C12orf50: variants seen among roughly 807,000 people sequenced by gnomAD.
The protein encoded by C12orf50 is uncharacterized protein C12orf50.
Under a neutral mutation model 61.6 loss-of-function variants are expected in C12orf50, and 35 were observed. That is an observed-to-expected ratio of 0.57 (90% CI 0.43 to 0.75). The LOEUF (loss-of-function observed/expected upper bound fraction) is 0.75, where lower values mean the gene tolerates loss of function less well. C12orf50 is among the 30% of genes least tolerant of loss of function. C12orf50 has a pLI of 0.00. For synonymous variants in C12orf50, 178 were observed against 161.5 expected (o/e 1.10, Z -0.77); for missense variants, 475 against 488.5 (o/e 0.97, Z 0.26).
chr12:88,023,660 C>G (rs975398096), intron 3 of C12orf50, among the ~76,000 whole-genome samples: 1 of 142,906 alleles, frequency 7.0e-6, no homozygotes, highest in African/African-American at 2.8e-5. Flanking sequence ...GAGTGAGACT[C>G]CATCTCAAAA....
intron 3 of C12orf50, 84 bp from the exon 4 acceptor site, chr12:87,998,274 TTAAC>T: frequency 9.8e-7 from 1 of 1,018,376 alleles, no homozygotes; most frequent in Non-Finnish European, 1.4e-6. Flanking sequence ...GCCCTCCTAA[TTAAC>T]TATATATTAT....
intron 3 of C12orf50, among the ~76,000 whole-genome samples, chr12:88,009,565 G>A (rs1306022688): frequency 6.6e-6 from 1 of 152,028 alleles, no homozygotes; most frequent in East Asian, 1.9e-4. Flanking sequence ...TTGTTACAAC[G>A]AGGAGATTTC....
intron 3 of C12orf50, among the ~76,000 whole-genome samples, chr12:88,012,468 G>A (rs957317655): frequency 6.6e-6 from 1 of 152,072 alleles, no homozygotes; most frequent in Admixed American, 6.6e-5. Flanking sequence ...TTCTTCTCTT[G>A]TCCTTCAAAG....
At chr12:88,023,600 G>A (rs908944859) in intron 3 of C12orf50, among the ~76,000 whole-genome samples, 13 of 151,260 alleles carry the variant, frequency 8.6e-5, no homozygotes, top group Non-Finnish European at 1.6e-4. Context: ...CCCAGGAGGC[G>A]GAGGTTGTAG....
chr12:88,021,863 C>T (rs527727996), intron 3 of C12orf50, among the ~76,000 whole-genome samples: 3 of 151,042 alleles, frequency 2.0e-5, no homozygotes, highest in Non-Finnish European at 4.4e-5. Flanking sequence ...GCCTACCAAC[C>T]AAAAAAAACC....
At chr12:88,002,427 T>C (rs766030100) in intron 3 of C12orf50, among the ~76,000 whole-genome samples, 3 of 151,832 alleles carry the variant, frequency 2.0e-5, no homozygotes, top group Non-Finnish European at 4.4e-5. Flanking sequence ...AAATGTTTCT[T>C]GTGCACTAGA....
intron 3 of C12orf50, among the ~76,000 whole-genome samples, chr12:88,020,269 A>G (rs2032466261): frequency 6.6e-6 from 1 of 152,188 alleles, no homozygotes; most frequent in Admixed American, 6.5e-5. Context: ...AGCAAGACCC[A>G]CTAACATGCT....
intron 3 of C12orf50, among the ~76,000 whole-genome samples, chr12:88,004,883 G>A (rs940117127): frequency 6.6e-6 from 1 of 152,152 alleles, no homozygotes; most frequent in Non-Finnish European, 1.5e-5. Flanking sequence ...TCCAACTTGA[G>A]GGTGGAGGGT....
intron 11 of C12orf50, chr12:87,985,386 C>T (rs2030754453): frequency 6.1e-6 from 1 of 165,194 alleles, no homozygotes; most frequent in South Asian, 1.7e-4. Context: ...AGCAATCTAT[C>T]CATGGTGAGA....
chr12:88,020,752 G>A (rs1398836182), intron 3 of C12orf50, among the ~76,000 whole-genome samples: 1 of 151,444 alleles, frequency 6.6e-6, no homozygotes. Flanking sequence ...ATCATCACAT[G>A]ACACATCCTC....
intron 3 of C12orf50, among the ~76,000 whole-genome samples, chr12:88,000,036 TGAG>T (rs2031587381): frequency 6.6e-6 from 1 of 151,858 alleles, no homozygotes; most frequent in Admixed American, 6.6e-5. Context: ...TGGAAAAAAA[TGAG>T]GAGTAACTGT....
intron 3 of C12orf50, among the ~76,000 whole-genome samples, chr12:88,012,149 A>G (rs898275872): frequency 6.6e-5 from 10 of 152,198 alleles, no homozygotes; most frequent in African/African-American, 2.4e-4. Flanking sequence ...TCCACTCTTT[A>G]TGACCAAGGG....
At chr12:87,999,246 A>G (rs896872727) in intron 3 of C12orf50, among the ~76,000 whole-genome samples, 2 of 152,116 alleles carry the variant, frequency 1.3e-5, no homozygotes, top group Admixed American at 6.6e-5. Context: ...CAACATGGCT[A>G]AACCCTATCT....
intron 3 of C12orf50, among the ~76,000 whole-genome samples, chr12:88,008,914 C>T (rs1012248971): frequency 3.3e-5 from 5 of 152,048 alleles, no homozygotes; most frequent in Admixed American, 1.3e-4. Flanking sequence ...AGAGTTAAGC[C>T]ATATCTATTC....
intron 3 of C12orf50, among the ~76,000 whole-genome samples, chr12:88,004,379 TA>T (rs2031773082): frequency 6.6e-6 from 1 of 152,114 alleles, no homozygotes; most frequent in African/African-American, 2.4e-5. Flanking sequence ...TGGCTATTAT[TA>T]AAAAGCTAAA....
chr12:87,993,912 T>C (rs2031252358), intron 7 of C12orf50, among the ~76,000 whole-genome samples: 1 of 152,246 alleles, frequency 6.6e-6, no homozygotes, highest in African/African-American at 2.4e-5. Flanking sequence ...AAGTAGACTT[T>C]AAGTCCACTG....
chr12:87,980,787 A>G (rs536999950), intron 12 of C12orf50, among the ~76,000 whole-genome samples: 24 of 152,212 alleles, frequency 1.6e-4, no homozygotes, highest in Admixed American at 4.6e-4. Context: ...CTCCTCTATT[A>G]TTGCATTATC....
intron 1 of C12orf50, chr12:88,029,129 C>G (rs1456022535): frequency 7.8e-7 from 1 of 1,277,986 alleles, no homozygotes; most frequent in South Asian, 1.3e-5. Flanking sequence ...ATTTTCAACT[C>G]TCTTGCTGCT....
chr12:88,018,914 G>T lies in C12orf50; in HGVS notation c.133+7574C>A, dbSNP rs187669972. Among the ~76,000 whole-genome samples the T allele has an allele frequency of 9.9e-4, 151 of 152,348 alleles. 3 individuals carry two copies. Among genetic ancestry groups the T allele is most frequent in the African/African-American group, 3.5e-3 (146 of 41,594 alleles). ...ATTGTATGTAGGAAGTAACTAACTT[G>T]TTTTTGATTTTACAGGATCACAGGC... On this transcript the variant is annotated intron_variant, in intron 3 of 12. Transcript: ENST00000298699.
Sources: gnomAD v4.1 joint callset for allele counts (sites outside exome capture counted in the v4.1 genomes callset) on GRCh38, gnomAD v4.1.1 for gene constraint, MANE v1.5 for transcripts, NCBI Gene and HGNC (gene_info 2026-07-23, HGNC 2026-07-21) for gene names.